The following PNPLA7 variants were observed in gnomAD, a reference collection of about 807,000 sequenced individuals.
PNPLA7 encodes the protein patatin-like phospholipase domain-containing protein 7.
Under a neutral mutation model 161.7 loss-of-function variants are expected in PNPLA7, and 153 were observed. That is an observed-to-expected ratio of 0.95 (90% CI 0.83 to 1.08). PNPLA7 has a LOEUF of 1.08. Among genes scored for constraint, PNPLA7 ranks in the 50% least tolerant of loss-of-function variants. PNPLA7 has a pLI of 0.00. For missense variants in PNPLA7, 1,739 were observed against 1,856.6 expected (o/e 0.94, Z 1.16); for synonymous variants, 809 against 782.1 (o/e 1.03, Z -0.57).
At chr9:137,498,537 G>A (rs1246049175) in intron 16 of PNPLA7, among the ~76,000 whole-genome samples, 1 of 152,248 alleles carries the variant, frequency 6.6e-6, no homozygotes, top group Non-Finnish European at 1.5e-5. Flanking sequence ...CTGCGGTCCT[G>A]GCAGGGGACT....
intron 8 of PNPLA7, 98 bp from the exon 9 acceptor site, chr9:137,522,955 T>C (rs1455610370): frequency 1.0e-5 from 16 of 1,524,534 alleles, no homozygotes; most frequent in Non-Finnish European, 1.4e-5. Flanking sequence ...CCCCGCCTGC[T>C]GCCCAGTCAC....
At chr9:137,532,164 C>T (rs1461097543) in intron 8 of PNPLA7, among the ~76,000 whole-genome samples, 5 of 152,204 alleles carry the variant, frequency 3.3e-5, no homozygotes, top group African/African-American at 7.2e-5. Flanking sequence ...GGGCCAGGCA[C>T]GGTGGTTCAC....
chr9:137,488,508 G>A (rs990942632), intron 20 of PNPLA7, among the ~76,000 whole-genome samples: 1 of 152,224 alleles, frequency 6.6e-6, no homozygotes, highest in African/African-American at 2.4e-5. Flanking sequence ...GCTCGAGGCA[G>A]CTCTCGCAAG....
intron 20 of PNPLA7, chr9:137,492,022 G>A (rs563855910): frequency 1.2e-4 from 120 of 985,412 alleles, no homozygotes; most frequent in Admixed American, 2.5e-4. Context: ...CAGAAGGCAG[G>A]AGAGAGGAGC....
At chr9:137,538,696 A>G (rs1158922051) in intron 8 of PNPLA7, among the ~76,000 whole-genome samples, 2 of 152,244 alleles carry the variant, frequency 1.3e-5, no homozygotes, top group African/African-American at 4.8e-5. Context: ...AATGGACACT[A>G]AAGATTTGTT....
Position 137,490,431 on chromosome 9 carries a change from G to A in PNPLA7, c.2197+2582C>T, listed in dbSNP as rs1184863599. 6.6e-6 allele frequency among the ~76,000 whole-genome samples: 1 copy of A among 152,160 alleles called. No individual in the cohort carries two copies. The highest frequency in any genetic ancestry group is 1.5e-5 in the Non-Finnish European group (1 of 68,026). ...GAACACAGCTAGAGAGAAATGATGC[G>A]TTACCTACTGGAGAACATCTGGATA... On this transcript the variant is annotated intron_variant, in intron 20 of 34. Transcript: ENST00000406427. This position sits in a 1 kb window ranked among gnomAD's most constrained non-coding sequence, Gnocchi z 4.1.
chr9:137,462,987 C>T (rs746096420), intron 29 of PNPLA7, 154 bp from the exon 30 acceptor site: 4 of 1,021,644 alleles, frequency 3.9e-6, no homozygotes, highest in African/African-American at 1.6e-5. Flanking sequence ...ATGCCCAGCT[C>T]GATGGGCAGC....
chr9:137,545,537 C>G (rs772958012), intron 4 of PNPLA7, among the ~76,000 whole-genome samples: 14 of 152,178 alleles, frequency 9.2e-5, no homozygotes, highest in Non-Finnish European at 1.6e-4. Context: ...CGGCAAGCGA[C>G]TGAGGGCATG....
intron 8 of PNPLA7, among the ~76,000 whole-genome samples, chr9:137,526,493 G>A (rs1350949014): frequency 1.3e-5 from 2 of 152,180 alleles, no homozygotes; most frequent in African/African-American, 4.8e-5. Context: ...TAGCCAGGAT[G>A]GTCTCAATCT....
Position 137,460,289 on chromosome 9 carries a change from C to T in PNPLA7, c.*104G>A. ...GCCTGGGGCCCCGGGGAAGTCAGGG[C>T]TTCCAGCAGGGCAGGTACAGAGGCC... On this transcript the variant is annotated 3_prime_UTR_variant, in exon 35 of 35. Coordinates refer to ENST00000406427, the MANE Select transcript of PNPLA7 (RefSeq NM_001098537.3). The T allele has an allele frequency of 8.2e-7, 1 of 1,213,678 alleles. No individual in the cohort carries two copies. The allele number at this position is 1,213,678 out of a possible 1,614,324, so 75.2% of individuals were successfully genotyped here.
At chr9:137,507,072 A>AGCGCTGGGCCTTGGAAAGGG (rs1463176379) in intron 12 of PNPLA7, among the ~76,000 whole-genome samples, 3 of 152,222 alleles carry the variant, frequency 2.0e-5, no homozygotes, top group African/African-American at 4.8e-5. Flanking sequence ...GAGAGCCAGG[A>AGCGCTGGGCCTTGGAAAGGG]GCGCTGGGCC....
At position 137,467,518 on chromosome 9, in the gene PNPLA7, A is replaced by C; in HGVS notation, c.2883-45T>G. On this transcript the variant is annotated intron_variant, in intron 25 of 34. Coordinates refer to ENST00000406427, the MANE Select transcript of PNPLA7 (RefSeq NM_001098537.3). This position sits in a 1 kb window ranked among gnomAD's most constrained non-coding sequence, Gnocchi z 5.1. ...AGAGCAAGGAGTGAGTACCAGGCCC[A>C]GGCTGCGCCCTGCAGAGGCCTTGTG... The C allele has an allele frequency of 6.2e-7, 1 of 1,601,540 alleles. No individual in the cohort carries two copies. Among genetic ancestry groups the C allele is most frequent in the Non-Finnish European group, 8.5e-7 (1 of 1,174,026 alleles).
At chr9:137,542,876 C>A in intron 6 of PNPLA7, 75 bp from the exon 7 acceptor site, 1 of 1,507,314 alleles carries the variant, frequency 6.6e-7, no homozygotes, top group Non-Finnish European at 9.0e-7. Flanking sequence ...CTCGAGAGCA[C>A]ACGGTCACTG....
In PNPLA7 at chr9:137,541,175, A is replaced by G. The variant is rs552773022; in HGVS notation, c.667-453T>C. Among the ~76,000 whole-genome samples the G allele has an allele frequency of 2.0e-5, 3 of 152,318 alleles. No homozygotes were observed. The highest frequency in any genetic ancestry group is 1.9e-4 in the East Asian group (1 of 5,176). On this transcript the variant is annotated intron_variant, in intron 7 of 34. Transcript: ENST00000406427. The surrounding 1 kb of genome is among the most constrained non-coding windows in gnomAD (Gnocchi z 4.4). ...CACTTCATCTCAGCTTGACCCAGGA[A>G]AATTCTTTATGAAGTTGCCCAAATC... is the stretch of plus-strand genomic sequence containing the variant.
At chr9:137,517,138 C>CA (rs1834633498) in intron 11 of PNPLA7, among the ~76,000 whole-genome samples, 1 of 143,520 alleles carries the variant, frequency 7.0e-6, no homozygotes, top group African/African-American at 2.6e-5. Context: ...CACTCCATCC[C>CA]CACTCACTCA....
chr9:137,501,852 C>G, intron 14 of PNPLA7, 125 bp from the exon 15 acceptor site: 1 of 949,462 alleles, frequency 1.1e-6, no homozygotes, highest in South Asian at 1.6e-5. Context: ...CAAGGCCCTC[C>G]TCCGAGGCTG....
rs1038971397 is a variant in PNPLA7 at position 137,515,247 on chromosome 9, CT to C, written c.1225+131del. 7.3e-5 allele frequency: 90 copies of C among 1,228,890 alleles called. 1 individual carries two copies. Among genetic ancestry groups the C allele is most frequent in the African/African-American group, 6.8e-4 (44 of 64,598 alleles). 76.1% of individuals were successfully genotyped at this position (1,228,890 alleles called of 1,614,324 possible). ...AGCCAGAGGACAGGCACAGGCCCCC[CT>C]GGGCACGTGGGGCTCTAGTGGAGGG... On this transcript the variant is annotated intron_variant, in intron 12 of 34. Coordinates refer to ENST00000406427, the MANE Select transcript of PNPLA7 (RefSeq NM_001098537.3).
At position 137,540,959 on chromosome 9, in the gene PNPLA7, TC is replaced by T; in HGVS notation, c.667-238del. On this transcript the variant is annotated intron_variant, in intron 7 of 34. Coordinates refer to ENST00000406427, the MANE Select transcript of PNPLA7 (RefSeq NM_001098537.3). The surrounding 1 kb of genome is among the most constrained non-coding windows in gnomAD (Gnocchi z 5.1). Reference sequence around the variant, plus strand: ...AGACGGAGGAGACCCCACCTCTCCATCCCATGACTCGTCTTCAATGTGGGGA... The same window carrying T: ...AGACGGAGGAGACCCCACCTCTCCATCCATGACTCGTCTTCAATGTGGGGA... 2.1e-6 allele frequency: 1 copy of T among 482,586 alleles called. No homozygotes were observed. Among genetic ancestry groups the T allele is most frequent in the Non-Finnish European group, 3.8e-6 (1 of 262,160 alleles). 29.9% of individuals were successfully genotyped at this position (482,586 alleles called of 1,614,324 possible).
intron 12 of PNPLA7, among the ~76,000 whole-genome samples, chr9:137,513,566 A>G (rs1834348143): frequency 6.6e-6 from 1 of 152,180 alleles, no homozygotes. Context: ...AATAAATAAG[A>G]CCCAAAACAC....
Sources: allele counts gnomAD v4.1 joint callset (sites outside exome capture counted in the v4.1 genomes callset), GRCh38; gene constraint gnomAD v4.1.1; non-coding constraint Gnocchi (gnomAD v3.1); transcripts MANE v1.5; gene names NCBI Gene and HGNC (gene_info 2026-07-23, HGNC 2026-07-21).